Variants in FBN2 observed in about 807,000 individuals in gnomAD.
The protein encoded by FBN2 is fibrillin 2.
FBN2 carries 105 observed loss-of-function variants against 355.6 expected under a neutral mutation model. That is an observed-to-expected ratio of 0.30 (90% CI 0.25 to 0.35). The LOEUF is 0.35. FBN2 is among the 10% of genes least tolerant of loss of function. The pLI is 1.00. For synonymous variants in FBN2, 1,350 were observed against 1,301.2 expected (o/e 1.04, Z -0.81); for missense variants, 3,280 against 3,758.7 (o/e 0.87, Z 3.33).
chr5:128,338,330 A>G (rs1392650227), intron 26 of FBN2, among the ~76,000 whole-genome samples: 2 of 152,238 alleles, frequency 1.3e-5, no homozygotes, highest in East Asian at 3.9e-4. Context: ...TAAGCTTTCA[A>G]GAAATTTAAT....
chr5:128,342,377 T>C (rs1463763470), intron 25 of FBN2, among the ~76,000 whole-genome samples: 1 of 151,960 alleles, frequency 6.6e-6, no homozygotes, highest in Non-Finnish European at 1.5e-5. Flanking sequence ...ACCACAAAGA[T>C]GTTTTGCAAG....
Position 128,339,134 on chromosome 5 carries a change from A to T in FBN2, c.3344-73T>A, listed in dbSNP as rs1750924383. On this transcript the variant is annotated intron_variant, in intron 25 of 64. Coordinates refer to ENST00000262464, the MANE Select transcript of FBN2 (RefSeq NM_001999.4). Reference sequence around the variant, plus strand: ...TTGGCCTTCCAAGCGAAGGTGCTGCATGCTTGAAAAGTTGGGGAAATTGCT... The same window carrying T: ...TTGGCCTTCCAAGCGAAGGTGCTGCTTGCTTGAAAAGTTGGGGAAATTGCT... The T allele has an allele frequency of 2.6e-6, 4 of 1,519,074 alleles. No individual in the cohort carries two copies. The East Asian group carries it at 9.1e-5, about 34-fold the overall frequency. The allele number at this position is 1,519,074 out of a possible 1,614,324, so 94.1% of individuals were successfully genotyped here.
chr5:128,266,857 A>C (rs1765127001), intron 62 of FBN2, among the ~76,000 whole-genome samples: 1 of 151,464 alleles, frequency 6.6e-6, no homozygotes, highest in African/African-American at 2.4e-5. Context: ...ATTTATTTAA[A>C]TTTTACTTTA....
chr5:128,537,424 C>T lies in FBN2; in HGVS notation c.180G>A (p.Ala60=). The change falls in exon 1 of 65, where the codon GCG becomes GCA. Residue 60 remains alanine (A), a synonymous_variant. Coordinates refer to ENST00000262464, the MANE Select transcript of FBN2 (RefSeq NM_001999.4). The part of the protein sequence containing the change: ...ATAGSEGGFL[A]PEYREEGAAV... ...CGGCACCCTCCTCGCGATACTCGGG[C>T]GCTAGAAACCCGCCTTCAGAGCCTG... is the stretch of plus-strand genomic sequence containing the variant. 3.7e-6 allele frequency: 6 copies of T among 1,609,542 alleles called. No homozygotes were observed. The highest frequency in any genetic ancestry group is 5.1e-6 in the Non-Finnish European group (6 of 1,179,206).
In FBN2 at chr5:128,291,668, G is replaced by A. The variant is rs1213152831; in HGVS notation, c.6167-14C>T. The A allele has an allele frequency of 1.9e-6, 3 of 1,612,096 alleles. No individual in the cohort carries two copies. On this transcript the variant is annotated splice_polypyrimidine_tract_variant and intron_variant, in intron 48 of 64. Coordinates refer to ENST00000262464, the MANE Select transcript of FBN2 (RefSeq NM_001999.4). ...ATTCATTTATATCTGCAGAACAGGG[G>A]GAGTATTTATTAGCCATTCAACACT... is the stretch of plus-strand genomic sequence containing the variant.
chr5:128,287,023 C>T (rs1173726259), intron 54 of FBN2, among the ~76,000 whole-genome samples, 174 bp from the exon 55 acceptor site: 1 of 152,182 alleles, frequency 6.6e-6, no homozygotes, highest in Non-Finnish European at 1.5e-5. Context: ...AGTTTCAGCA[C>T]TGCTCATAGT....
At chr5:128,340,102 G>C (rs1390397664) in intron 25 of FBN2, among the ~76,000 whole-genome samples, 1 of 152,090 alleles carries the variant, frequency 6.6e-6, no homozygotes, top group Non-Finnish European at 1.5e-5. Context: ...TTTTAATAGA[G>C]AAGTCATGTC....
At chr5:128,528,315 G>GA (rs1756618730) in intron 3 of FBN2, among the ~76,000 whole-genome samples, 1 of 152,170 alleles carries the variant, frequency 6.6e-6, no homozygotes, top group Non-Finnish European at 1.5e-5. Flanking sequence ...GTGCAGTACT[G>GA]TCATAATGGA....
intron 15 of FBN2, among the ~76,000 whole-genome samples, chr5:128,371,428 T>A (rs1216413557): frequency 6.6e-6 from 1 of 152,082 alleles, no homozygotes; most frequent in African/African-American, 2.4e-5. Flanking sequence ...TCTTTCTCTC[T>A]CTTTTTCTTT....
chr5:128,437,339 GATCA>G (rs1435815928), intron 7 of FBN2, among the ~76,000 whole-genome samples: 6 of 152,144 alleles, frequency 3.9e-5, no homozygotes, highest in Non-Finnish European at 7.3e-5. Context: ...CAATTACATA[GATCA>G]ATCATATCAT....
chr5:128,300,968 A>G, intron 47 of FBN2, 32 bp from the exon 48 acceptor site: 1 of 1,603,598 alleles, frequency 6.2e-7, no homozygotes. Context: ...AAAATAATTT[A>G]AGCATGAGAT....
rs1175257857 is a variant in FBN2, at chr5:128,307,672, CT to C, written c.5354-470del. 2.6e-3 allele frequency among the ~76,000 whole-genome samples: 361 copies of C among 140,938 alleles called. 3 individuals are homozygous for C. Among genetic ancestry groups the C allele is most frequent in the Middle Eastern group, 7.5e-3 (2 of 268 alleles). 92.5% of individuals were successfully genotyped at this position (140,938 alleles called of 152,430 possible). ...ATAATGAATGAGATGCGAATTTTGT[CT>C]TTTTTTTTTTTACTGTGTCTATTGG... On this transcript the variant is annotated intron_variant, in intron 41 of 64. Transcript: ENST00000262464.
At chr5:128,519,179 T>C in intron 5 of FBN2, 94 bp downstream of exon 5, 1 of 852,782 alleles carries the variant, frequency 1.2e-6, no homozygotes, top group Non-Finnish European at 2.0e-6. Context: ...AAATATAATT[T>C]CATTAGCAGA....
At chr5:128,399,735 G>A (rs1752746524) in intron 8 of FBN2, among the ~76,000 whole-genome samples, 1 of 151,800 alleles carries the variant, frequency 6.6e-6, no homozygotes, top group Non-Finnish European at 1.5e-5. Flanking sequence ...TTTATATATA[G>A]GCAAACATAC....
rs779831723 is a variant in FBN2, at chr5:128,537,461, C to T, written c.143G>A (p.Arg48Gln). Reference protein sequence around the residue: ...PRPQPPPQQVRSATAGSEGGF... With the variant: ...PRPQPPPQQVQSATAGSEGGF... ...GCCTTCAGAGCCTGCTGTAGCGGAC[C>T]GAACCTGTTGCGGCGGCGGCTGGGG... The change falls in exon 1 of 65, where the codon CGG becomes CAG. Residue 48 changes from arginine to glutamine, a missense_variant. Physicochemically the swap from Arg to Gln is conservative, Grantham distance 43. This residue lies in a region of FBN2 where 203 missense variants were observed against 142.2 expected (regional missense o/e 1.43). Transcript: ENST00000262464. 1.9e-6 allele frequency: 3 copies of T among 1,606,028 alleles called. No individual in the cohort carries two copies. The highest frequency in any genetic ancestry group is 1.7e-6 in the Non-Finnish European group (2 of 1,177,606).
intron 40 of FBN2, 85 bp downstream of exon 40, chr5:128,309,898 T>C: frequency 6.8e-7 from 1 of 1,466,436 alleles, no homozygotes; most frequent in East Asian, 2.3e-5. Context: ...ACTTCCAAAC[T>C]TCCAAACAAT....
chr5:128,400,317 G>A (rs1225465572), intron 8 of FBN2, among the ~76,000 whole-genome samples: 1 of 151,930 alleles, frequency 6.6e-6, no homozygotes, highest in Non-Finnish European at 1.5e-5. Context: ...CAATTCACCA[G>A]GAAAATATGG....
chr5:128,365,738 T>C (rs1751750022), intron 17 of FBN2, among the ~76,000 whole-genome samples: 1 of 150,712 alleles, frequency 6.6e-6, no homozygotes, highest in African/African-American at 2.4e-5. Context: ...AACACCCAAG[T>C]TTTATTTATG....
rs200881643 is a variant in FBN2, at chr5:128,361,811, A to G, written c.2466T>C (p.Asp822=). 2.4e-5 allele frequency: 38 copies of G among 1,614,064 alleles called. No individual in the cohort carries two copies. The highest frequency in any genetic ancestry group is 2.7e-5 in the Non-Finnish European group (32 of 1,180,002). Residue 822 remains aspartate, a synonymous_variant, in exon 19 of 65, where the codon GAT becomes GAC. Coordinates refer to ENST00000262464, the MANE Select transcript of FBN2 (RefSeq NM_001999.4). ...DECLVNRLLC[D]NGLCRNTPGS... Reference sequence around the variant, plus strand: ...CTGGCGTGTTTCGGCACAATCCGTTATCACAAAGCAGTCTGTTTACTAAAC... The same window carrying G: ...CTGGCGTGTTTCGGCACAATCCGTTGTCACAAAGCAGTCTGTTTACTAAAC...
Sources: gnomAD v4.1 joint callset for allele counts (sites outside exome capture counted in the v4.1 genomes callset) on GRCh38, gnomAD v4.1.1 for gene constraint, gnomAD v4.1.1 regional missense constraint, MANE v1.5 for transcripts, NCBI Gene and HGNC (gene_info 2026-07-23, HGNC 2026-07-21) for gene names.